PDE1A: variants seen among roughly 807,000 people sequenced by gnomAD.
PDE1A encodes the protein dual specificity calcium/calmodulin-dependent 3',5'-cyclic nucleotide phosphodiesterase 1A.
A neutral mutation model predicts 61.7 loss-of-function variants in PDE1A; 35 were observed. The ratio of observed to expected loss-of-function variants is 0.57; its 90% CI spans 0.43 to 0.75. PDE1A has a LOEUF of 0.75. Ranked by LOEUF, PDE1A falls within the 30% of genes least tolerant of loss-of-function variation. The pLI is 0.00. For synonymous variants in PDE1A, 232 were observed against 213.2 expected (o/e 1.09, Z -0.77); for missense variants, 597 against 630.6 (o/e 0.95, Z 0.57).
intron 1 of PDE1A, among the ~76,000 whole-genome samples, chr2:182,265,510 A>G (rs895969501): frequency 1.3e-5 from 2 of 152,112 alleles, no homozygotes; most frequent in Non-Finnish European, 2.9e-5. Flanking sequence ...TTGAGTCCTT[A>G]GGATGATGTG....
chr2:182,212,458 G>A (rs1230550991), intron 7 of PDE1A, among the ~76,000 whole-genome samples: 6 of 152,140 alleles, frequency 3.9e-5, no homozygotes, highest in East Asian at 1.9e-4. Context: ...AGCTCCCAGC[G>A]TGAGCGACGC....
At chr2:182,357,746 C>T (rs760858895) in intron 1 of PDE1A, among the ~76,000 whole-genome samples, 3 of 152,126 alleles carry the variant, frequency 2.0e-5, no homozygotes, top group African/African-American at 4.8e-5. Flanking sequence ...ATTGTGACTT[C>T]GTCACCAATT....
rs144140788 is a variant in PDE1A at position 182,400,809 on chromosome 2, T to C, written c.53+25769A>G. On this transcript the variant is annotated intron_variant, in intron 1 of 13. Transcript: ENST00000351439. ...CTGGGGTGAATAATGGCAGGTACTA[T>C]CTTGATTTCCTGCTCTAAACTCGTC... 8.5e-5 allele frequency among the ~76,000 whole-genome samples: 13 copies of C among 152,282 alleles called. No homozygotes were observed. In the East Asian group the frequency reaches 2.5e-3, roughly 29 times the overall value.
At chr2:182,257,004 G>A (rs1335395363) in intron 2 of PDE1A, among the ~76,000 whole-genome samples, 1 of 152,132 alleles carries the variant, frequency 6.6e-6, no homozygotes, top group Non-Finnish European at 1.5e-5. Context: ...CTACTTCAGG[G>A]CATTAGGAAT....
At chr2:182,644,753 T>A in the PDE1A span, among the ~76,000 whole-genome samples, 1 of 152,116 alleles carries the variant, frequency 6.6e-6, no homozygotes, top group East Asian at 1.9e-4. Flanking sequence ...AGAGGCAGAA[T>A]GACTAGCACA....
chr2:182,397,044 A>C (rs1701744515), intron 1 of PDE1A, among the ~76,000 whole-genome samples: 1 of 152,176 alleles, frequency 6.6e-6, no homozygotes, highest in South Asian at 2.1e-4. Context: ...AGAAATAGAT[A>C]ATTGAGGTCA....
chr2:182,397,760 C>A (rs1701791100), intron 1 of PDE1A, among the ~76,000 whole-genome samples: 2 of 152,044 alleles, frequency 1.3e-5, no homozygotes, highest in Admixed American at 1.3e-4. Context: ...GATCAGGGAT[C>A]AGTTTTTGGT....
the PDE1A span, among the ~76,000 whole-genome samples, chr2:182,563,459 G>A: frequency 0.82 from 125,097 of 152,080 alleles, 51,811 homozygotes; most frequent in East Asian, 0.99. Context: ...ATTTGCTGAG[G>A]AGAGCTTTCC....
chr2:182,399,201 T>C (rs950491703), intron 1 of PDE1A, among the ~76,000 whole-genome samples: 1 of 151,976 alleles, frequency 6.6e-6, no homozygotes, highest in African/African-American at 2.4e-5. Context: ...ACCCATATTT[T>C]TTTCTTCACT....
At chr2:182,402,868 T>A (rs564732223) in intron 1 of PDE1A, among the ~76,000 whole-genome samples, 258 of 152,282 alleles carry the variant, frequency 1.7e-3, no homozygotes, top group Non-Finnish European at 3.1e-3. Flanking sequence ...GGGTGAAGGA[T>A]ATGAACAGAC....
intron 1 of PDE1A, among the ~76,000 whole-genome samples, chr2:182,335,767 G>A (rs1697759013): frequency 1.3e-5 from 2 of 152,092 alleles, no homozygotes; most frequent in Non-Finnish European, 2.9e-5. Flanking sequence ...ATTGACAAGT[G>A]GGATATAATT....
chr2:182,458,126 T>C (rs925666947), intron 2 of PDE1A, among the ~76,000 whole-genome samples: 5 of 152,172 alleles, frequency 3.3e-5, no homozygotes, highest in African/African-American at 1.2e-4. Context: ...TTTAGGAGAA[T>C]GCCACTTGTC....
intron 1 of PDE1A, among the ~76,000 whole-genome samples, chr2:182,354,384 C>T (rs1456139713): frequency 2.0e-5 from 3 of 152,122 alleles, no homozygotes; most frequent in Non-Finnish European, 4.4e-5. Flanking sequence ...CTGTAGTTTC[C>T]CCTTAAATTA....
chr2:182,443,608 T>A (rs1684934660), intron 2 of PDE1A, among the ~76,000 whole-genome samples: 1 of 152,044 alleles, frequency 6.6e-6, no homozygotes, highest in Non-Finnish European at 1.5e-5. Context: ...CCTTTCACCC[T>A]GATTGTAAGT....
chr2:182,656,404 C>T, the PDE1A span, among the ~76,000 whole-genome samples: 1 of 152,172 alleles, frequency 6.6e-6, no homozygotes, highest in Non-Finnish European at 1.5e-5. Context: ...CTATAATGCA[C>T]ATTCTATGAT....
the PDE1A span, among the ~76,000 whole-genome samples, chr2:182,627,152 A>T: frequency 3.0e-4 from 11 of 36,640 alleles, 3 homozygotes; most frequent in Non-Finnish European, 5.0e-4. Flanking sequence ...AATATTATTT[A>T]TATATAAAAT....
At chr2:182,241,903 C>A (rs868357634) in intron 2 of PDE1A, 2 of 1,534,866 alleles carry the variant, frequency 1.3e-6, no homozygotes, top group Non-Finnish European at 8.7e-7. Flanking sequence ...GTTTGTTTAT[C>A]TTTTTGCCCA....
At chr2:182,153,808 G>C (rs16822753) in intron 13 of PDE1A, among the ~76,000 whole-genome samples, 149 of 152,266 alleles carry the variant, frequency 9.8e-4, no homozygotes, top group African/African-American at 3.4e-3. Flanking sequence ...TCTCAATTAG[G>C]ATGAAAAATG....
At chr2:182,274,715 T>C (rs1356807805) in intron 1 of PDE1A, among the ~76,000 whole-genome samples, 1 of 152,132 alleles carries the variant, frequency 6.6e-6, no homozygotes, top group African/African-American at 2.4e-5. Flanking sequence ...CCTTCTTTCA[T>C]GTATGTATGA....
Sources: gnomAD v4.1 joint callset for allele counts (sites outside exome capture counted in the v4.1 genomes callset) on GRCh38, gnomAD v4.1.1 for gene constraint, MANE v1.5 for transcripts, NCBI Gene and HGNC (gene_info 2026-07-23, HGNC 2026-07-21) for gene names.